XPO6: variants seen among roughly 807,000 people sequenced by gnomAD.
The protein encoded by XPO6 is exportin-6.
In XPO6, 3 loss-of-function variants were observed where a neutral mutation model predicts 130.0. That is an observed-to-expected ratio of 0.02 (90% CI 0.01 to 0.06). XPO6 has a LOEUF of 0.06. Among genes scored for constraint, XPO6 ranks in the 10% least tolerant of loss-of-function variants. The pLI is 1.00. For synonymous variants in XPO6, 524 were observed against 548.9 expected, an observed-to-expected ratio of 0.95 and a Z score of 0.63; for missense variants, 970 against 1,393.0, an observed-to-expected ratio of 0.70 and a Z score of 4.83.
chr16:28,135,066 AT>A, intron 10 of XPO6, 149 bp downstream of exon 10: 1 of 576,438 alleles, frequency 1.7e-6, no homozygotes, highest in East Asian at 2.9e-5. Flanking sequence ...CCAGCAGGAG[AT>A]TAAAAATTTC....
intron 17 of XPO6, 41 bp from the exon 18 acceptor site, chr16:28,107,718 G>T: frequency 6.2e-7 from 1 of 1,606,210 alleles, no homozygotes. Context: ...GCTGTCTGGG[G>T]AGAAAGCATG....
chr16:28,176,378 C>G (rs538093308), intron 3 of XPO6, among the ~76,000 whole-genome samples: 18 of 152,182 alleles, frequency 1.2e-4, no homozygotes, highest in Non-Finnish European at 1.9e-4. Flanking sequence ...ACAGAAGCAA[C>G]TTCAATGTTC....
chr16:28,112,089 G>A (rs147739488), intron 16 of XPO6, 83 bp from the exon 17 acceptor site: 22,685 of 1,456,080 alleles, frequency 0.016, 228 homozygotes, highest in Non-Finnish European at 0.019. Context: ...TTCAGCACCC[G>A]CTGGCTGCAC....
intron 1 of XPO6, among the ~76,000 whole-genome samples, chr16:28,197,902 CAGAG>C (rs1185299940): frequency 2.0e-5 from 2 of 98,766 alleles, no homozygotes; most frequent in Admixed American, 1.7e-4. Flanking sequence ...CTGAGCAACA[CAGAG>C]AGACTCTTAA....
chr16:28,179,045 G>A (rs1481087751), intron 2 of XPO6: 14 of 144,294 alleles, frequency 9.7e-5, no homozygotes, highest in African/African-American at 2.2e-4. Flanking sequence ...CCAGCCTGGC[G>A]ACAGAGTGAG....
chr16:28,128,895 C>A (rs1009646927), intron 12 of XPO6, among the ~76,000 whole-genome samples: 4 of 152,190 alleles, frequency 2.6e-5, no homozygotes, highest in Non-Finnish European at 5.9e-5. Context: ...GGGGATGTAA[C>A]CCCTCATTAC....
chr16:28,134,313 A>G (rs1236248640), intron 10 of XPO6, among the ~76,000 whole-genome samples: 1 of 152,246 alleles, frequency 6.6e-6, no homozygotes, highest in East Asian at 1.9e-4. Flanking sequence ...GTCCACAGCC[A>G]GCCAGCAAAC....
intron 1 of XPO6, among the ~76,000 whole-genome samples, chr16:28,192,323 C>T (rs1426344138): frequency 1.3e-5 from 2 of 150,918 alleles, no homozygotes; most frequent in African/African-American, 4.9e-5. Flanking sequence ...ATCTCTAGAC[C>T]ACATTACTAC....
chr16:28,110,868 TAGAATCACCAAGGC>T (rs1250606878), intron 17 of XPO6, among the ~76,000 whole-genome samples: 1 of 152,238 alleles, frequency 6.6e-6, no homozygotes, highest in Non-Finnish European at 1.5e-5. Context: ...ACGATGGATA[TAGAATCACCAAGGC>T]AAGAGCCTAG....
At chr16:28,142,531 C>T (rs1037768571) in intron 9 of XPO6, among the ~76,000 whole-genome samples, 3 of 152,124 alleles carry the variant, frequency 2.0e-5, no homozygotes, top group Non-Finnish European at 2.9e-5. Context: ...TATTTAACAG[C>T]ACTAACCAGA....
intron 12 of XPO6, 65 bp from the exon 13 acceptor site, chr16:28,125,913 G>A: frequency 6.4e-7 from 1 of 1,551,568 alleles, no homozygotes. Context: ...ACAGATAACA[G>A]CTGGTCCAGC....
intron 1 of XPO6, among the ~76,000 whole-genome samples, chr16:28,197,964 TAAA>T (rs370727941): frequency 1.2e-3 from 33 of 27,638 alleles, no homozygotes; most frequent in Middle Eastern, 0.026. Flanking sequence ...CTAAGTTTAT[TAAA>T]AAAAAAAAAA....
At chr16:28,169,479 G>A (rs990524587) in intron 5 of XPO6, among the ~76,000 whole-genome samples, 2 of 152,150 alleles carry the variant, frequency 1.3e-5, no homozygotes, top group African/African-American at 4.8e-5. Flanking sequence ...GGCACTGTAG[G>A]TATACTCCTA....
rs117750849 is a variant in XPO6, at chr16:28,100,279, C to T, written c.3276+1179G>A. Among the ~76,000 whole-genome samples, 803 of 152,308 alleles carry T rather than the reference C, an allele frequency of 5.3e-3. 12 individuals are homozygous for T. The South Asian group carries it at 0.054, about 10-fold the overall frequency. ...TGCTGAGATTACAGGTGTGAGACAC[C>T]GCGCCTGGCCTATAACTAGATTTTG... is the stretch of plus-strand genomic sequence containing the variant. On this transcript the variant is annotated intron_variant, in intron 23 of 23. Transcript: ENST00000304658.
intron 7 of XPO6, among the ~76,000 whole-genome samples, chr16:28,154,920 AATG>A (rs1314458817): frequency 6.6e-6 from 1 of 152,268 alleles, no homozygotes; most frequent in African/African-American, 2.4e-5. Context: ...AAGTGTGAAT[AATG>A]ATGCCTTTGA....
intron 1 of XPO6, among the ~76,000 whole-genome samples, chr16:28,186,240 G>A (rs1407779636): frequency 4.0e-5 from 6 of 151,834 alleles, no homozygotes; most frequent in South Asian, 4.2e-4. Context: ...CTATTTCTAC[G>A]GAGCCCTAAT....
intron 1 of XPO6, among the ~76,000 whole-genome samples, chr16:28,201,966 T>G (rs1302435329): frequency 6.6e-6 from 1 of 152,196 alleles, no homozygotes; most frequent in Non-Finnish European, 1.5e-5. Context: ...GAAGATGACC[T>G]ATGATAAACT....
chr16:28,146,214 A>G lies in XPO6; in HGVS notation c.1225-11T>C. ...ACCTTCATGAGTAGGCTATGGTACA[A>G]AAAAAATCCAGACAATGAAATTATT... On this transcript the variant is annotated splice_polypyrimidine_tract_variant and intron_variant, in intron 8 of 23. Coordinates refer to ENST00000304658, the MANE Select transcript of XPO6 (RefSeq NM_015171.4). The G allele has an allele frequency of 6.3e-7, 1 of 1,579,308 alleles. No homozygotes were observed.
chr16:28,127,913 C>T (rs370256329), intron 12 of XPO6, among the ~76,000 whole-genome samples: 11 of 152,152 alleles, frequency 7.2e-5, no homozygotes, highest in African/African-American at 2.2e-4. Context: ...AGTGCCCTGG[C>T]GCAGAAACAA....
Sources: allele counts gnomAD v4.1 joint callset (sites outside exome capture counted in the v4.1 genomes callset), GRCh38; gene constraint gnomAD v4.1.1; transcripts MANE v1.5; gene names NCBI Gene and HGNC (gene_info 2026-07-23, HGNC 2026-07-21).